Variants in KCNIP4 observed in about 807,000 individuals in gnomAD.
The protein encoded by KCNIP4 is potassium voltage-gated channel interacting protein 4.
A neutral mutation model predicts 34.0 loss-of-function variants in KCNIP4; 12 were observed. The observed-to-expected ratio is 0.35, with a 90% confidence interval of 0.23 to 0.57. KCNIP4 has a LOEUF of 0.57. KCNIP4 is among the 20% of genes least tolerant of loss of function. The pLI, the probability that KCNIP4 is intolerant of heterozygous loss-of-function variation, is 0.83. For missense variants in KCNIP4, 238 were observed against 311.7 expected (o/e 0.76, Z 1.78); for synonymous variants, 124 against 102.2 (o/e 1.21, Z -1.29).
chr4:21,072,195 C>A (rs1745008846), intron 1 of KCNIP4, among the ~76,000 whole-genome samples: 1 of 152,164 alleles, frequency 6.6e-6, no homozygotes, highest in Admixed American at 6.5e-5. Flanking sequence ...ATTTCTAGTT[C>A]TAGATCCTTG....
intron 1 of KCNIP4, among the ~76,000 whole-genome samples, chr4:21,135,027 A>G (rs1055578052): frequency 1.3e-5 from 2 of 152,230 alleles, no homozygotes; most frequent in African/African-American, 2.4e-5. Context: ...ATCTAGCTAC[A>G]AAATTCTCAC....
chr4:21,405,494 A>G (rs1361220176), intron 1 of KCNIP4, among the ~76,000 whole-genome samples: 1 of 152,200 alleles, frequency 6.6e-6, no homozygotes. Context: ...TATATTTGGC[A>G]AGGCAGTGCT....
intron 1 of KCNIP4, among the ~76,000 whole-genome samples, chr4:21,617,334 T>C (rs1436318572): frequency 6.6e-6 from 1 of 152,178 alleles, no homozygotes; most frequent in Non-Finnish European, 1.5e-5. Context: ...AAGTGGGTCA[T>C]TGTTTCAGAA....
chr4:21,217,086 G>T (rs1757640969), intron 1 of KCNIP4, among the ~76,000 whole-genome samples: 2 of 152,136 alleles, frequency 1.3e-5, no homozygotes, highest in Non-Finnish European at 2.9e-5. Context: ...GAGCTACGAA[G>T]TAGATGTTAT....
chr4:21,133,535 C>A (rs1432763916), intron 1 of KCNIP4, among the ~76,000 whole-genome samples: 1 of 152,154 alleles, frequency 6.6e-6, no homozygotes, highest in African/African-American at 2.4e-5. Flanking sequence ...TCTGCCCAGG[C>A]TCCAAGGTTA....
chr4:21,601,419 A>G (rs2109120741), intron 1 of KCNIP4, among the ~76,000 whole-genome samples: 1 of 152,076 alleles, frequency 6.6e-6, no homozygotes, highest in Non-Finnish European at 1.5e-5. Context: ...TGTCCCAAAT[A>G]TGCTGTTCTG....
intron 1 of KCNIP4, among the ~76,000 whole-genome samples, chr4:20,983,002 T>C (rs1736228046): frequency 6.6e-6 from 1 of 152,218 alleles, no homozygotes; most frequent in South Asian, 2.1e-4. Flanking sequence ...TTTAAATGAT[T>C]CAAAGGCTAT....
chr4:21,799,786 A>C (rs1460503880), intron 1 of KCNIP4, among the ~76,000 whole-genome samples: 1 of 152,158 alleles, frequency 6.6e-6, no homozygotes, highest in Non-Finnish European at 1.5e-5. Context: ...CCTTCTCCCT[A>C]GAACAGGGGT....
At chr4:21,294,799 T>C (rs576794424) in intron 1 of KCNIP4, among the ~76,000 whole-genome samples, 4 of 152,326 alleles carry the variant, frequency 2.6e-5, no homozygotes, top group South Asian at 2.1e-4. Flanking sequence ...CCAATAAATA[T>C]GTATTAGTAC....
chr4:20,826,569 A>G lies in KCNIP4; in HGVS notation c.288+23974T>C, dbSNP rs117343523. 1.6e-3 allele frequency among the ~76,000 whole-genome samples: 248 copies of G among 151,932 alleles called. 1 individual carries two copies. The highest frequency in any genetic ancestry group is 0.013 in the Admixed American group (191 of 15,222). Reference sequence around the variant, plus strand: ...ACTGTACTGCACTCCAGCCTGGACAACAGAGTGAGACCTTGTCTCAAAACA... The same window carrying G: ...ACTGTACTGCACTCCAGCCTGGACAGCAGAGTGAGACCTTGTCTCAAAACA... On this transcript the variant is annotated intron_variant, in intron 3 of 8. Coordinates refer to ENST00000382152, the MANE Select transcript of KCNIP4 (RefSeq NM_025221.6).
At chr4:21,787,950 C>G (rs1460783954) in intron 1 of KCNIP4, among the ~76,000 whole-genome samples, 1 of 149,258 alleles carries the variant, frequency 6.7e-6, no homozygotes, top group Non-Finnish European at 1.5e-5. Flanking sequence ...GATTATTTGT[C>G]TCTTGCTCCA....
At chr4:21,131,315 T>A (rs1751051804) in intron 1 of KCNIP4, among the ~76,000 whole-genome samples, 1 of 152,222 alleles carries the variant, frequency 6.6e-6, no homozygotes, top group East Asian at 1.9e-4. Flanking sequence ...CACTATTGTA[T>A]GTTATACATT....
intron 1 of KCNIP4, among the ~76,000 whole-genome samples, chr4:21,217,932 C>CTTA (rs1435421448): frequency 1.3e-5 from 2 of 150,616 alleles, no homozygotes; most frequent in African/African-American, 4.9e-5. Context: ...ATATTGCTCA[C>CTTA]TAAATTATTA....
chr4:21,425,790 C>T (rs1459077529), intron 1 of KCNIP4, among the ~76,000 whole-genome samples: 1 of 152,170 alleles, frequency 6.6e-6, no homozygotes, highest in Admixed American at 6.5e-5. Flanking sequence ...TGACTCCCGT[C>T]TGTAATCCCA....
At chr4:21,607,341 A>C (rs531375898) in intron 1 of KCNIP4, among the ~76,000 whole-genome samples, 2 of 152,176 alleles carry the variant, frequency 1.3e-5, no homozygotes, top group African/African-American at 4.8e-5. Context: ...GTACTCAATT[A>C]AAATGAACAA....
intron 1 of KCNIP4, among the ~76,000 whole-genome samples, chr4:21,308,214 C>A (rs967675426): frequency 2.0e-5 from 3 of 152,152 alleles, no homozygotes; most frequent in African/African-American, 7.2e-5. Context: ...AATCTTTGTC[C>A]TCGTTTGGAT....
intron 1 of KCNIP4, among the ~76,000 whole-genome samples, chr4:21,452,099 T>G (rs1277311954): frequency 6.6e-6 from 1 of 152,188 alleles, no homozygotes. Flanking sequence ...ACTGCTTGAC[T>G]TAACCCACAG....
intron 3 of KCNIP4, among the ~76,000 whole-genome samples, chr4:20,798,369 A>G (rs530805317): frequency 6.6e-6 from 1 of 152,310 alleles, no homozygotes; most frequent in South Asian, 2.1e-4. Context: ...GCCCATGTCT[A>G]AAGGATAAAA....
chr4:21,302,698 G>A (rs968964540), intron 1 of KCNIP4, among the ~76,000 whole-genome samples: 11 of 151,724 alleles, frequency 7.3e-5, no homozygotes, highest in South Asian at 4.2e-4. Context: ...ACCATCCCCC[G>A]CCTCCTGCGC....
Sources: allele counts gnomAD v4.1 joint callset (sites outside exome capture counted in the v4.1 genomes callset), GRCh38; gene constraint gnomAD v4.1.1; transcripts MANE v1.5; gene names NCBI Gene and HGNC (gene_info 2026-07-23, HGNC 2026-07-21).